FARP2: variants seen among roughly 807,000 people sequenced by gnomAD.
FARP2 encodes the protein FERM, ARH/RhoGEF and pleckstrin domain protein 2, also known as FERM, ARHGEF and pleckstrin domain-containing protein 2.
In FARP2, 111 loss-of-function variants were observed where a neutral mutation model predicts 130.5. The ratio of observed to expected loss-of-function variants is 0.85; its 90% CI spans 0.73 to 1.00. The LOEUF (loss-of-function observed/expected upper bound fraction) is 1.00, where lower values mean the gene tolerates loss of function less well. FARP2 is among the 50% of genes least tolerant of loss of function. The pLI, the probability that FARP2 is intolerant of heterozygous loss-of-function variation, is 0.00. For synonymous variants in FARP2, 504 were observed against 516.9 expected (o/e 0.98, Z 0.34); for missense variants, 1,385 against 1,346.3 (o/e 1.03, Z -0.45).
Position 241,411,092 on chromosome 2 carries a change from AC to A in FARP2, c.471del (p.Asp157GlufsTer16). The A allele has an allele frequency of 3.7e-6, 6 of 1,612,446 alleles. No individual in the cohort carries two copies. Among genetic ancestry groups the A allele is most frequent in the Non-Finnish European group, 5.1e-6 (6 of 1,179,154 alleles). On this transcript the variant is annotated frameshift_variant, in exon 6 of 27. Transcript: ENST00000264042. LOFTEE classifies it high-confidence loss of function. ...CTGGAAGAGCGTTTGACCTGTGCTGACACCACAGCGGCCCTTCTCACGTCCC... is the reference window on the plus strand; with the variant it reads ...CTGGAAGAGCGTTTGACCTGTGCTGAACCACAGCGGCCCTTCTCACGTCCC... The part of the protein sequence containing the change: ...DLLEERLTCA[D>X]TTAALLTSHL...
intron 18 of FARP2, among the ~76,000 whole-genome samples, chr2:241,473,397 C>A (rs1387956200): frequency 1.3e-5 from 2 of 151,084 alleles, no homozygotes; most frequent in Non-Finnish European, 3.0e-5. Context: ...GAGAGGGACC[C>A]TTTTCTGAGG....
At chr2:241,465,803 C>G (rs998257072) in intron 17 of FARP2, 2 of 1,548,748 alleles carry the variant, frequency 1.3e-6, no homozygotes, top group East Asian at 2.4e-5. Context: ...ACCTTCTACC[C>G]AATCCTGCGA....
rs570201716 is a variant in FARP2 at position 241,415,143 on chromosome 2, G to A, written c.623+1722G>A. ...GTGGGGCATCTTGTGTGTGTAAGTC[G>A]GTGCTTCTCATCCATTTGCCTGACC... On this transcript the variant is annotated intron_variant, in intron 7 of 26. Transcript: ENST00000264042. 4.6e-5 allele frequency among the ~76,000 whole-genome samples: 7 copies of A among 152,280 alleles called. 1 individual carries two copies. The East Asian group carries it at 1.4e-3, about 29-fold the overall frequency.
chr2:241,357,079 C>T (rs1414017304), intron 1 of FARP2, among the ~76,000 whole-genome samples: 1 of 152,160 alleles, frequency 6.6e-6, no homozygotes, highest in Non-Finnish European at 1.5e-5. Flanking sequence ...CAACCCCTGG[C>T]CTATCATGTG....
chr2:241,356,809 A>G (rs1395723307), intron 1 of FARP2, among the ~76,000 whole-genome samples: 2 of 152,248 alleles, frequency 1.3e-5, no homozygotes, highest in South Asian at 4.1e-4. Flanking sequence ...AGAGTGGGCC[A>G]TAGGGACCCG....
intron 9 of FARP2, among the ~76,000 whole-genome samples, chr2:241,433,080 T>G (rs1207171195): frequency 6.6e-6 from 1 of 151,330 alleles, no homozygotes; most frequent in Non-Finnish European, 1.5e-5. Context: ...GTAGAAGGAA[T>G]GCCAAACACA....
chr2:241,460,712 G>A (rs2150467545), intron 14 of FARP2, among the ~76,000 whole-genome samples: 1 of 152,338 alleles, frequency 6.6e-6, no homozygotes, highest in Non-Finnish European at 1.5e-5. Flanking sequence ...CCTAAAGGCT[G>A]GAAAGGTGGT....
At chr2:241,410,943 T>G in intron 5 of FARP2, 90 bp from the exon 6 acceptor site, 1 of 902,552 alleles carries the variant, frequency 1.1e-6, no homozygotes, top group East Asian at 2.7e-5. Flanking sequence ...TTCCCAGGGC[T>G]CATTTGCTGT....
chr2:241,404,332 C>T (rs1193011918), intron 3 of FARP2, among the ~76,000 whole-genome samples: 1 of 152,172 alleles, frequency 6.6e-6, no homozygotes, highest in Non-Finnish European at 1.5e-5. Flanking sequence ...CCCTTTAGTT[C>T]AAAAAGCATG....
At chr2:241,397,910 A>G (rs1574734148) in intron 2 of FARP2, among the ~76,000 whole-genome samples, 2 of 147,240 alleles carry the variant, frequency 1.4e-5, no homozygotes, top group African/African-American at 5.0e-5. Context: ...GCTCACTGCA[A>G]CCTCCACCTC....
chr2:241,491,167 A>T lies in FARP2; in HGVS notation c.2611A>T (p.Thr871Ser), dbSNP rs758557716. The T allele has an allele frequency of 6.2e-7, 1 of 1,612,074 alleles. No individual in the cohort carries two copies. The highest frequency in any genetic ancestry group is 1.1e-5 in the South Asian group (1 of 91,050). Residue 871 changes from threonine (T) to serine (S), a missense_variant, in exon 23 of 27, where the codon ACT becomes TCT. Thr to Ser is a moderately conservative substitution (Grantham distance 58, BLOSUM62 1). Transcript: ENST00000264042. The stretch of plus-strand genomic sequence containing the variant: ...TGCACTGCCAGGCCGCACTGTGTGC[A>T]CTCGTCCCCCCAGTGAGTGCTGGCC... ...APALPGRTVC[T>S]RPPRSPNEVS...
chr2:241,387,049 A>G (rs1235282622), intron 2 of FARP2: 1 of 152,200 alleles, frequency 6.6e-6, no homozygotes, highest in East Asian at 1.9e-4. Context: ...TGTTTGAAAT[A>G]TGTTTCTTAT....
chr2:241,381,074 G>A (rs761897605), intron 2 of FARP2, among the ~76,000 whole-genome samples: 8 of 152,004 alleles, frequency 5.3e-5, no homozygotes, highest in Non-Finnish European at 1.0e-4. Flanking sequence ...TCCCAACATG[G>A]GCCCATCCTA....
At chr2:241,456,570 A>G in intron 13 of FARP2, 177 bp from the exon 14 acceptor site, 1 of 639,342 alleles carries the variant, frequency 1.6e-6, no homozygotes, top group Non-Finnish European at 2.8e-6. Flanking sequence ...CCTCATTTTC[A>G]TTTTATGTCA....
At chr2:241,397,141 A>T (rs951977527) in intron 2 of FARP2, among the ~76,000 whole-genome samples, 1 of 152,168 alleles carries the variant, frequency 6.6e-6, no homozygotes, top group African/African-American at 2.4e-5. Context: ...CAGTGAGAAC[A>T]CGTGGACACA....
At chr2:241,456,121 A>G (rs2063829491) in intron 13 of FARP2, among the ~76,000 whole-genome samples, 1 of 152,162 alleles carries the variant, frequency 6.6e-6, no homozygotes, top group South Asian at 2.1e-4. Flanking sequence ...TTTGGCACCT[A>G]TTTATTCGAA....
Position 241,434,332 on chromosome 2 carries a change from T to A in FARP2, c.1031+11T>A, listed in dbSNP as rs1165667676. 2.5e-6 allele frequency: 4 copies of A among 1,581,168 alleles called. No homozygotes were observed. The highest frequency in any genetic ancestry group is 3.4e-6 in the Non-Finnish European group (4 of 1,168,200). On this transcript the variant is annotated intron_variant, in intron 10 of 26. Transcript: ENST00000264042. Reference sequence around the variant, plus strand: ...CTCCTTCAGATACAGGTAGGGGCCATGCCGTGGCTTGCATGGGCCCCTCAC... The same window carrying A: ...CTCCTTCAGATACAGGTAGGGGCCAAGCCGTGGCTTGCATGGGCCCCTCAC...
At chr2:241,387,621 G>A (rs750657980) in intron 2 of FARP2, among the ~76,000 whole-genome samples, 59 of 151,924 alleles carry the variant, frequency 3.9e-4, no homozygotes, top group Non-Finnish European at 5.7e-4. Context: ...GTGAAACCCC[G>A]TCTCTACTAA....
intron 13 of FARP2, among the ~76,000 whole-genome samples, chr2:241,454,036 G>A (rs1031793135): frequency 3.3e-5 from 5 of 151,680 alleles, no homozygotes; most frequent in South Asian, 4.2e-4. Flanking sequence ...CACCCACCTC[G>A]GCCTCCCAAA....
Sources: allele counts gnomAD v4.1 joint callset (sites outside exome capture counted in the v4.1 genomes callset), GRCh38; gene constraint gnomAD v4.1.1; transcripts MANE v1.5; gene names NCBI Gene and HGNC (gene_info 2026-07-23, HGNC 2026-07-21).